The following DNAH5 variants were observed in gnomAD, a reference collection of about 807,000 sequenced individuals.
DNAH5 encodes the protein axonemal beta dynein heavy chain 5.
In DNAH5, 372 loss-of-function variants were observed where a neutral mutation model predicts 518.2. That is an observed-to-expected ratio of 0.72 (90% confidence interval 0.66 to 0.78). The LOEUF (loss-of-function observed/expected upper bound fraction) is 0.78. Among genes scored for constraint, DNAH5 ranks in the 30% least tolerant of loss-of-function variants. The pLI is 0.00. For missense variants in DNAH5, 5,523 were observed against 5,687.0 expected (o/e 0.97, Z 0.93); for synonymous variants, 2,039 against 2,025.9 (o/e 1.01, Z -0.17).
chr5:13,848,677 A>T (rs947573368), intron 31 of DNAH5, among the ~76,000 whole-genome samples: 2 of 152,206 alleles, frequency 1.3e-5, no homozygotes, highest in African/African-American at 2.4e-5. Flanking sequence ...TACGCAACCT[A>T]GATCCCTCGC....
intron 78 of DNAH5, among the ~76,000 whole-genome samples, chr5:13,694,046 A>G (rs1437187923): frequency 6.6e-6 from 1 of 152,242 alleles, no homozygotes; most frequent in Non-Finnish European, 1.5e-5. Flanking sequence ...TGTAAAACAT[A>G]TAAAAGTCAT....
chr5:13,736,727 G>A (rs571390349), intron 66 of DNAH5, among the ~76,000 whole-genome samples: 128 of 152,090 alleles, frequency 8.4e-4, no homozygotes, highest in Non-Finnish European at 1.4e-3. Flanking sequence ...ATGCCCGGCC[G>A]ATTATTTGTT....
At chr5:13,770,090 G>A (rs1231950325) in intron 56 of DNAH5, among the ~76,000 whole-genome samples, 1 of 152,176 alleles carries the variant, frequency 6.6e-6, no homozygotes, top group Non-Finnish European at 1.5e-5. Flanking sequence ...GCCTGAACCT[G>A]AAATAACGTG....
chr5:13,875,064 A>T (rs1417445279), intron 22 of DNAH5, among the ~76,000 whole-genome samples: 1 of 152,188 alleles, frequency 6.6e-6, no homozygotes, highest in Non-Finnish European at 1.5e-5. Flanking sequence ...CTATCCTATA[A>T]ATCTGGAATA....
At chr5:13,708,069 C>T (rs1743029414) in intron 76 of DNAH5, 54 bp downstream of exon 76, 8 of 1,580,450 alleles carry the variant, frequency 5.1e-6, no homozygotes, top group African/African-American at 1.3e-5. Context: ...TTGCCAATTA[C>T]AACTCTTCAC....
Position 13,876,723 on chromosome 5 carries a change from T to G in DNAH5, c.3357A>C (p.Leu1119Phe), listed in dbSNP as rs780565363. 3.1e-6 allele frequency: 5 copies of G among 1,613,960 alleles called. No individual in the cohort carries two copies. Among genetic ancestry groups the G allele is most frequent in the Non-Finnish European group, 3.4e-6 (4 of 1,179,858 alleles). Reference sequence around the variant, plus strand: ...TGATAATTGTGCTAAGCACAGAAACTAATTTTACAATCTCTTTGTTTTCAG... The same window carrying G: ...TGATAATTGTGCTAAGCACAGAAACGAATTTTACAATCTCTTTGTTTTCAG... The part of the protein sequence containing the change: ...NVSENKEIVK[L>F]VSVLSTIINS... Residue 1119 changes from leucine (L) to phenylalanine (F), a missense_variant, in exon 22 of 79, where the codon TTA (leucine) becomes TTC (phenylalanine). Coordinates refer to ENST00000265104, the MANE Select transcript of DNAH5 (RefSeq NM_001369.3).
intron 47 of DNAH5, among the ~76,000 whole-genome samples, chr5:13,800,044 G>A (rs1561292195): frequency 3.9e-5 from 6 of 152,170 alleles, no homozygotes; most frequent in Admixed American, 2.0e-4. Context: ...ATCTGGTAGT[G>A]TGCTGAAAAG....
chr5:13,701,260 AC>A (rs745944513), intron 77 of DNAH5, 23 bp downstream of exon 77: 1 of 1,613,986 alleles, frequency 6.2e-7, no homozygotes, highest in Non-Finnish European at 8.5e-7. Flanking sequence ...TAATAACGCA[AC>A]GGGTGCAAAT....
At chr5:13,971,981 G>T (rs1210766605) in intron 1 of DNAH5, among the ~76,000 whole-genome samples, 3 of 152,106 alleles carry the variant, frequency 2.0e-5, no homozygotes, top group African/African-American at 7.2e-5. Context: ...GACTCTCCTT[G>T]GGCAGGGCTT....
chr5:13,971,192 AT>A (rs1346676860), intron 1 of DNAH5, among the ~76,000 whole-genome samples: 1 of 150,778 alleles, frequency 6.6e-6, no homozygotes, highest in African/African-American at 2.4e-5. Context: ...TCATTTTTTT[AT>A]TTCTTTAAGT....
chr5:13,871,917 C>A (rs1227697571), intron 22 of DNAH5, 152 bp from the exon 23 acceptor site: 1 of 738,952 alleles, frequency 1.4e-6, no homozygotes, highest in East Asian at 2.7e-5. Flanking sequence ...AGAACTGGGA[C>A]TATATACAAT....
At chr5:13,766,229 C>G (rs1355416724) in intron 58 of DNAH5, 50 bp from the exon 59 acceptor site, 2 of 1,599,128 alleles carry the variant, frequency 1.3e-6, no homozygotes, top group Non-Finnish European at 8.6e-7. Context: ...AAAGCACAGA[C>G]AAGCAAACCT....
chr5:13,920,030 T>C (rs1777086359), intron 6 of DNAH5, among the ~76,000 whole-genome samples: 1 of 152,232 alleles, frequency 6.6e-6, no homozygotes, highest in African/African-American at 2.4e-5. Flanking sequence ...AACATGGCCT[T>C]GTTAAATTGC....
chr5:13,777,140 A>G, intron 54 of DNAH5, 62 bp downstream of exon 54: 1 of 1,495,996 alleles, frequency 6.7e-7, no homozygotes, highest in Admixed American at 1.7e-5. Flanking sequence ...GAAAACATGT[A>G]GAGCTCTAAG....
At chr5:13,961,361 G>A (rs1443630806) in intron 1 of DNAH5, among the ~76,000 whole-genome samples, 1 of 152,124 alleles carries the variant, frequency 6.6e-6, no homozygotes, top group Non-Finnish European at 1.5e-5. Flanking sequence ...AAGGTAAAGC[G>A]AGCCGGGCAT....
Position 13,824,231 on chromosome 5 carries a change from G to A in DNAH5, c.6547C>T (p.Arg2183Cys), listed in dbSNP as rs375277705. Residue 2183 changes from arginine (R) to cysteine (C), a missense_variant, in exon 39 of 79, where the codon CGT (arginine) becomes TGT (cysteine). Arg to Cys is a radical substitution (Grantham distance 180). This residue lies in a region of DNAH5 where 5,121 missense variants were observed against 5,223.3 expected (regional missense o/e 0.98). Coordinates refer to ENST00000265104, the MANE Select transcript of DNAH5 (RefSeq NM_001369.3). The stretch of plus-strand genomic sequence containing the variant: ...GAAAGATTCATGTCCCGTAGTACAC[G>A]CATGACAATCGTGGACTCCGTATCC... Reference protein sequence around the residue: ...PMDTESTIVMRVLRDMNLSKL... With the variant: ...PMDTESTIVMCVLRDMNLSKL... 40 of 1,613,848 alleles carry A rather than the reference G, an allele frequency of 2.5e-5. No individual in the cohort carries two copies. In the Middle Eastern group the frequency reaches 4.9e-4, roughly 20 times the overall value.
chr5:13,840,934 A>C lies in DNAH5; in HGVS notation c.5681T>G (p.Val1894Gly), dbSNP rs751474710. Residue 1894 changes from valine (V) to glycine (G), a missense_variant, in exon 34 of 79, where the codon GTG becomes GGG. Val to Gly is a moderately radical substitution (Grantham distance 109). Around this residue, in one of 3 missense-constraint regions of DNAH5, gnomAD observed 5,121 missense variants for 5,223.3 expected, o/e 0.98. Coordinates refer to ENST00000265104, the MANE Select transcript of DNAH5 (RefSeq NM_001369.3). ...GTCATCAAAGATATCCCTTTGGTGC[A>C]CATGAATAGTAATCAGAGTCTCGTA... ...VKYETLITIH[V>G]HQRDIFDDLC... 1 of 1,614,156 alleles carries C rather than the reference A, an allele frequency of 6.2e-7. No individual in the cohort carries two copies. The highest frequency in any genetic ancestry group is 1.1e-5 in the South Asian group (1 of 91,084).
intron 47 of DNAH5, among the ~76,000 whole-genome samples, chr5:13,800,873 T>G (rs1284771915): frequency 6.6e-6 from 1 of 152,146 alleles, no homozygotes; most frequent in East Asian, 1.9e-4. Flanking sequence ...TATGTTCGCT[T>G]ATTAGATTAT....
At chr5:13,807,459 AG>A in intron 47 of DNAH5, 131 bp downstream of exon 47, 1 of 785,040 alleles carries the variant, frequency 1.3e-6, no homozygotes, top group Non-Finnish European at 2.1e-6. Flanking sequence ...AAAGAATGGA[AG>A]ACGTACGTGG....
Sources: gnomAD v4.1 joint callset for allele counts (sites outside exome capture counted in the v4.1 genomes callset) on GRCh38, gnomAD v4.1.1 for gene constraint, gnomAD v4.1.1 regional missense constraint, MANE v1.5 for transcripts, NCBI Gene and HGNC (gene_info 2026-07-23, HGNC 2026-07-21) for gene names.